The following PRPSAP1 variants were observed in gnomAD, a reference collection of about 807,000 sequenced individuals.
PRPSAP1 encodes the protein phosphoribosyl pyrophosphate synthetase associated protein 1.
A neutral mutation model predicts 39.4 loss-of-function variants in PRPSAP1; 31 were observed. The observed-to-expected ratio is 0.79, with a 90% CI of 0.59 to 1.06. PRPSAP1 has a LOEUF of 1.06. Ranked by LOEUF, PRPSAP1 falls within the 50% of genes least tolerant of loss-of-function variation. The pLI is 0.00. For missense variants in PRPSAP1, 430 were observed against 511.6 expected, an observed-to-expected ratio of 0.84 and a Z score of 1.54; for synonymous variants, 212 against 192.6, an observed-to-expected ratio of 1.10 and a Z score of -0.83.
chr17:76,311,934 AG>A (rs1445681741), intron 9 of PRPSAP1, among the ~76,000 whole-genome samples: 3 of 152,214 alleles, frequency 2.0e-5, no homozygotes, highest in African/African-American at 7.2e-5. Flanking sequence ...GTCTCCATGC[AG>A]AAACACAGTG....
At chr17:76,338,979 G>A (rs2071406973) in intron 3 of PRPSAP1, among the ~76,000 whole-genome samples, 1 of 151,862 alleles carries the variant, frequency 6.6e-6, no homozygotes, top group Non-Finnish European at 1.5e-5. Context: ...GTTGCAGTGA[G>A]CCAAGGTCAC....
Position 76,314,111 on chromosome 17 carries a change from T to C in PRPSAP1, c.782-220A>G, listed in dbSNP as rs144282468. ...GCCATACATGTTACTTTGAATTTTC[T>C]AGTAGCCACATTAAAAACAGATGAA... is the stretch of plus-strand genomic sequence containing the variant. On this transcript the variant is annotated intron_variant, in intron 7 of 9. Transcript: ENST00000446526. The C allele has an allele frequency of 6.0e-4, 335 of 558,830 alleles. 1 individual carries two copies. The Middle Eastern group carries it at 6.2e-3, about 10-fold the overall frequency. The allele number at this position is 558,830 out of a possible 1,614,324, so 34.6% of individuals were successfully genotyped here.
intron 3 of PRPSAP1, 49 bp from the exon 4 acceptor site, chr17:76,332,484 C>G: frequency 6.3e-7 from 1 of 1,599,108 alleles, no homozygotes; most frequent in African/African-American, 1.3e-5. Context: ...TGTATCAACC[C>G]TAGAAAAGAT....
chr17:76,310,882 A>C lies in PRPSAP1; in HGVS notation c.*660T>G, dbSNP rs1057409853. The C allele has an allele frequency of 3.3e-5, 5 of 151,954 alleles. No homozygotes were observed. The highest frequency in any genetic ancestry group is 1.2e-4 in the African/African-American group (5 of 41,348). 9.4% of individuals were successfully genotyped at this position (151,954 alleles called of 1,614,324 possible). Reference sequence around the variant, plus strand: ...GTGTTTGTGTCCAGCCACAGACCTGACTGCTGTTCTGTATCCATGGTCTTC... The same window carrying C: ...GTGTTTGTGTCCAGCCACAGACCTGCCTGCTGTTCTGTATCCATGGTCTTC... On this transcript the variant is annotated 3_prime_UTR_variant, in exon 10 of 10. Coordinates refer to ENST00000446526, the MANE Select transcript of PRPSAP1 (RefSeq NM_002766.3).
chr17:76,323,843 A>G (rs2071223811), intron 7 of PRPSAP1, among the ~76,000 whole-genome samples: 2 of 152,134 alleles, frequency 1.3e-5, no homozygotes, highest in Admixed American at 6.6e-5. Context: ...CAGTGACTAC[A>G]ATTTTGAAAG....
chr17:76,336,800 G>T (rs2071384589), intron 3 of PRPSAP1, among the ~76,000 whole-genome samples: 2 of 150,404 alleles, frequency 1.3e-5, no homozygotes, highest in Non-Finnish European at 2.9e-5. Context: ...TTTTCCAAGG[G>T]ATTCAACATC....
At chr17:76,313,264 G>A in intron 8 of PRPSAP1, 2 of 379,016 alleles carry the variant, frequency 5.3e-6, no homozygotes, top group Non-Finnish European at 9.4e-6. Flanking sequence ...GCTGAGGATT[G>A]CCAACACTCA....
intron 3 of PRPSAP1, among the ~76,000 whole-genome samples, chr17:76,340,313 A>G (rs1231715031): frequency 2.0e-5 from 3 of 151,722 alleles, no homozygotes; most frequent in African/African-American, 7.3e-5. Flanking sequence ...TACTCAAGAT[A>G]CAAGTGAGAA....
chr17:76,352,387 T>G (rs2071584859), intron 1 of PRPSAP1, among the ~76,000 whole-genome samples: 1 of 152,072 alleles, frequency 6.6e-6, no homozygotes, highest in South Asian at 2.1e-4. Flanking sequence ...GGCTGAAGCC[T>G]GTAATCCCAG....
intron 4 of PRPSAP1, among the ~76,000 whole-genome samples, chr17:76,331,493 TAAC>T (rs1385351886): frequency 1.3e-5 from 2 of 152,228 alleles, no homozygotes; most frequent in East Asian, 1.9e-4. Flanking sequence ...CAAGACAGCA[TAAC>T]AACAATTTAT....
chr17:76,345,088 A>C (rs1206413230), intron 2 of PRPSAP1, among the ~76,000 whole-genome samples: 1 of 151,120 alleles, frequency 6.6e-6, no homozygotes, highest in Non-Finnish European at 1.5e-5. Context: ...ACAAAAAATT[A>C]GCCGGGCGTG....
At chr17:76,343,349 T>G (rs934830404) in intron 3 of PRPSAP1, among the ~76,000 whole-genome samples, 1 of 152,202 alleles carries the variant, frequency 6.6e-6, no homozygotes, top group Non-Finnish European at 1.5e-5. Context: ...AGGGCGACGA[T>G]CTCTGAAACA....
At chr17:76,320,461 G>C (rs1036382393) in intron 7 of PRPSAP1, among the ~76,000 whole-genome samples, 1 of 49,902 alleles carries the variant, frequency 2.0e-5, no homozygotes, top group East Asian at 5.8e-4. Context: ...GTCTCCCTTT[G>C]TTGCCCAGGT....
At chr17:76,341,114 A>G (rs1413445950) in intron 3 of PRPSAP1, among the ~76,000 whole-genome samples, 1 of 152,134 alleles carries the variant, frequency 6.6e-6, no homozygotes, top group African/African-American at 2.4e-5. Context: ...CTCATGTGCC[A>G]GAGGAGAACT....
intron 9 of PRPSAP1, among the ~76,000 whole-genome samples, chr17:76,312,070 C>T (rs957271905): frequency 6.6e-6 from 1 of 152,144 alleles, no homozygotes; most frequent in African/African-American, 2.4e-5. Context: ...TATACAGACC[C>T]TCAACATAAC....
intron 7 of PRPSAP1, among the ~76,000 whole-genome samples, chr17:76,327,221 G>A (rs905435990): frequency 6.6e-6 from 1 of 152,044 alleles, no homozygotes. Flanking sequence ...GGTGGTGTGT[G>A]CCTGAAGTCA....
In PRPSAP1 at chr17:76,328,807, C is replaced by A; in HGVS notation, c.691G>T (p.Ala231Ser). The stretch of plus-strand genomic sequence containing the variant: ...TCCATGTCCAGTTCCGTGCACTGAG[C>A]TTCCCCGTGAATGACGGCCAAACCC... The part of the protein sequence containing the change: ...RLGLAVIHGE[A>S]QCTELDMDDG... Residue 231 changes from alanine (A) to serine (S), a missense_variant, in exon 7 of 10, where the codon GCT becomes TCT. Physicochemically the swap from Ala to Ser is moderately conservative, Grantham distance 99. Around this residue, in one of 2 missense-constraint regions of PRPSAP1, gnomAD observed 278 missense variants for 376.3 expected, o/e 0.74. Coordinates refer to ENST00000446526, the MANE Select transcript of PRPSAP1 (RefSeq NM_002766.3). 3.1e-6 allele frequency: 5 copies of A among 1,614,162 alleles called. No homozygotes were observed. Among genetic ancestry groups the A allele is most frequent in the Non-Finnish European group, 4.2e-6 (5 of 1,180,024 alleles).
At chr17:76,351,414 C>T (rs1190342165) in intron 1 of PRPSAP1, among the ~76,000 whole-genome samples, 1 of 152,170 alleles carries the variant, frequency 6.6e-6, no homozygotes, top group East Asian at 1.9e-4. Context: ...ACTCGGAAGG[C>T]TGAGGCAGGA....
intron 2 of PRPSAP1, chr17:76,346,012 G>A (rs2071496988): frequency 2.2e-6 from 1 of 461,664 alleles, no homozygotes. Context: ...AGGGAAAAAG[G>A]AAAAAGCTGA....
Sources: gnomAD v4.1 joint callset for allele counts (sites outside exome capture counted in the v4.1 genomes callset) on GRCh38, gnomAD v4.1.1 for gene constraint, gnomAD v4.1.1 regional missense constraint, MANE v1.5 for transcripts, NCBI Gene and HGNC (gene_info 2026-07-23, HGNC 2026-07-21) for gene names.